The following AP3S1 variants were observed in gnomAD, a reference collection of about 807,000 sequenced individuals.
AP3S1 encodes the protein adaptor related protein complex 3 subunit sigma 1.
Under a neutral mutation model 21.3 loss-of-function variants are expected in AP3S1, and 12 were observed. The ratio of observed to expected loss-of-function variants is 0.56; its 90% CI spans 0.36 to 0.91. The LOEUF (loss-of-function observed/expected upper bound fraction) is 0.91, where lower values mean the gene tolerates loss of function less well. AP3S1 is among the 40% of genes least tolerant of loss of function. AP3S1 has a pLI of 0.01. For missense variants in AP3S1, 116 were observed against 225.0 expected, an observed-to-expected ratio of 0.52 and a Z score of 3.10; for synonymous variants, 48 against 78.4, an observed-to-expected ratio of 0.61 and a Z score of 2.05.
At chr5:115,851,999 A>G (rs1190511562) in intron 1 of AP3S1, among the ~76,000 whole-genome samples, 11 of 152,110 alleles carry the variant, frequency 7.2e-5, no homozygotes, top group African/African-American at 2.7e-4. Context: ...AAATAAGAGA[A>G]TGGTTGTGGA....
intron 1 of AP3S1, among the ~76,000 whole-genome samples, chr5:115,844,747 C>T (rs1167109077): frequency 9.2e-5 from 14 of 152,162 alleles, no homozygotes; most frequent in Non-Finnish European, 1.3e-4. Flanking sequence ...CTAAACATTC[C>T]GTGAAGCCTT....
At chr5:115,878,640 A>C (rs1361899886) in intron 3 of AP3S1, among the ~76,000 whole-genome samples, 1 of 152,206 alleles carries the variant, frequency 6.6e-6, no homozygotes, top group Non-Finnish European at 1.5e-5. Flanking sequence ...TGATGCCTTC[A>C]GCTTTATTCC....
At chr5:115,854,652 G>A (rs867611823) in intron 1 of AP3S1, among the ~76,000 whole-genome samples, 12 of 148,394 alleles carry the variant, frequency 8.1e-5, no homozygotes, top group African/African-American at 3.0e-4. Flanking sequence ...TGTTTGGAGT[G>A]CTCTGAGGCT....
intron 3 of AP3S1, among the ~76,000 whole-genome samples, chr5:115,880,751 T>G (rs866975568): frequency 1.3e-4 from 20 of 152,300 alleles, no homozygotes; most frequent in African/African-American, 4.8e-4. Context: ...GTTCCGAATA[T>G]CCTTGTTAAT....
At chr5:115,898,156 C>G (rs1385436537) in intron 4 of AP3S1, among the ~76,000 whole-genome samples, 1 of 152,046 alleles carries the variant, frequency 6.6e-6, no homozygotes, top group Non-Finnish European at 1.5e-5. Flanking sequence ...GTTTCTATGT[C>G]AGAGAGAAAA....
intron 1 of AP3S1, among the ~76,000 whole-genome samples, chr5:115,857,015 C>T (rs1762849658): frequency 6.6e-6 from 1 of 152,136 alleles, no homozygotes; most frequent in Admixed American, 6.6e-5. Flanking sequence ...TACTGATTTT[C>T]TTAGTTGAGT....
rs1050864 is a variant in AP3S1, at chr5:115,842,024, G to C, written c.-14G>C. On this transcript the variant is annotated 5_prime_UTR_variant, in exon 1 of 6. Coordinates refer to ENST00000316788, the MANE Select transcript of AP3S1 (RefSeq NM_001284.4). ...CCTGGCCCCCAGTGCCCACCCGGTC[G>C]GCCCGGCACAGCCATGATCAAGGCG... is the stretch of plus-strand genomic sequence containing the variant. The C allele has an allele frequency of 0.039, 61,374 of 1,574,878 alleles. 207 individuals carry two copies. The highest frequency in any genetic ancestry group is 0.046 in the Non-Finnish European group (52,883 of 1,160,410).
At chr5:115,852,332 C>G (rs35501287) in intron 1 of AP3S1, among the ~76,000 whole-genome samples, 51 of 151,968 alleles carry the variant, frequency 3.4e-4, no homozygotes, top group African/African-American at 1.2e-3. Context: ...ATGGAAAGTC[C>G]TCAAACACTC....
intron 3 of AP3S1, among the ~76,000 whole-genome samples, chr5:115,873,725 C>T (rs79870460): frequency 6.6e-6 from 1 of 152,040 alleles, no homozygotes; most frequent in Non-Finnish European, 1.5e-5. Flanking sequence ...TCAGAGAGAA[C>T]TGATTTTCTT....
In AP3S1 at chr5:115,890,884, C is replaced by T. The variant is rs115938982; in HGVS notation, c.274-4203C>T. 6.1e-3 allele frequency among the ~76,000 whole-genome samples: 930 copies of T among 152,250 alleles called. 9 individuals carry two copies. Among genetic ancestry groups the T allele is most frequent in the African/African-American group, 0.021 (888 of 41,544 alleles). On this transcript the variant is annotated intron_variant, in intron 3 of 5. Transcript: ENST00000316788. ...TAGGGGTCTAGGAAAAGACCTTTCC[C>T]AGCTGTTTCATCAGGGCTGCCCTGG...
rs571620311 is a variant in AP3S1 at position 115,910,786 on chromosome 5, A to G, written c.454-2576A>G. On this transcript the variant is annotated intron_variant, in intron 5 of 5. Transcript: ENST00000316788. ...ATTGTCCTTATCATATTTTCTCAAC[A>G]TTTTATATTTTGCATAATATGATTT... 2.0e-5 allele frequency among the ~76,000 whole-genome samples: 3 copies of G among 152,156 alleles called. No individual in the cohort carries two copies. In the South Asian group the frequency reaches 6.2e-4, roughly 32 times the overall value.
intron 1 of AP3S1, among the ~76,000 whole-genome samples, chr5:115,862,160 C>A (rs1362632271): frequency 6.6e-6 from 1 of 151,982 alleles, no homozygotes; most frequent in Non-Finnish European, 1.5e-5. Context: ...GAACATTCTT[C>A]TGTTTGTCTC....
At chr5:115,852,342 C>G (rs956120366) in intron 1 of AP3S1, among the ~76,000 whole-genome samples, 1 of 152,096 alleles carries the variant, frequency 6.6e-6, no homozygotes, top group Non-Finnish European at 1.5e-5. Context: ...CTCAAACACT[C>G]TTCCACAGAA....
chr5:115,848,512 C>A (rs1047485611), intron 1 of AP3S1, among the ~76,000 whole-genome samples: 9 of 151,914 alleles, frequency 5.9e-5, no homozygotes, highest in African/African-American at 2.2e-4. Flanking sequence ...GTGTATATAT[C>A]TTTCTTTTGT....
intron 1 of AP3S1, among the ~76,000 whole-genome samples, chr5:115,857,411 A>G (rs1762877473): frequency 6.6e-6 from 1 of 152,230 alleles, no homozygotes; most frequent in Admixed American, 6.5e-5. Context: ...CAAATGAGGA[A>G]AACTCAGGCA....
At chr5:115,850,518 A>G (rs1162147578) in intron 1 of AP3S1, among the ~76,000 whole-genome samples, 1 of 152,048 alleles carries the variant, frequency 6.6e-6, no homozygotes, top group South Asian at 2.1e-4. Flanking sequence ...CTAACTTCCT[A>G]TTCTCCCCTT....
intron 3 of AP3S1, among the ~76,000 whole-genome samples, chr5:115,893,801 T>G (rs1012494286): frequency 6.6e-6 from 1 of 152,228 alleles, no homozygotes; most frequent in African/African-American, 2.4e-5. Flanking sequence ...CAGGCTGTTA[T>G]TACATTATAA....
chr5:115,842,472 C>G (rs1197521509), intron 1 of AP3S1: 3 of 184,456 alleles, frequency 1.6e-5, no homozygotes, highest in Non-Finnish European at 1.1e-5. Flanking sequence ...GCCCACCCCG[C>G]GCGGCTGCCT....
intron 5 of AP3S1, among the ~76,000 whole-genome samples, chr5:115,906,565 G>C (rs1328126061): frequency 6.6e-6 from 1 of 152,026 alleles, no homozygotes; most frequent in Non-Finnish European, 1.5e-5. Flanking sequence ...TGGGAGAGGA[G>C]GGTTTAAGCT....
Sources: allele counts gnomAD v4.1 joint callset (sites outside exome capture counted in the v4.1 genomes callset), GRCh38; gene constraint gnomAD v4.1.1; transcripts MANE v1.5; gene names NCBI Gene and HGNC (gene_info 2026-07-23, HGNC 2026-07-21).